Variants in CLNK observed in about 807,000 individuals in gnomAD.
CLNK encodes the protein cytokine-dependent hematopoietic cell linker.
CLNK carries 74 observed loss-of-function variants against 68.6 expected under a neutral mutation model. The ratio of observed to expected loss-of-function variants is 1.08; its 90% CI spans 0.89 to 1.31. The LOEUF (loss-of-function observed/expected upper bound fraction) is 1.31, where lower values mean the gene tolerates loss of function less well. CLNK is among the 50% of genes most tolerant of loss of function. CLNK has a pLI of 0.00. For synonymous variants in CLNK, 198 were observed against 172.2 expected (o/e 1.15, Z -1.17); for missense variants, 553 against 515.3 (o/e 1.07, Z -0.71).
chr4:10,698,649 A>G, the CLNK span, among the ~76,000 whole-genome samples: 1 of 152,130 alleles, frequency 6.6e-6, no homozygotes, highest in Non-Finnish European at 1.5e-5. Flanking sequence ...CAAAATCTTC[A>G]AGGAAAGGTC....
chr4:10,563,920 A>G (rs933974023), intron 7 of CLNK, among the ~76,000 whole-genome samples: 6 of 148,568 alleles, frequency 4.0e-5, no homozygotes, highest in Non-Finnish European at 7.4e-5. Context: ...AAAAGAAAAG[A>G]AAAGAAAAGA....
chr4:10,524,192 A>G (rs1298411381), intron 14 of CLNK, among the ~76,000 whole-genome samples: 3 of 152,186 alleles, frequency 2.0e-5, no homozygotes, highest in African/African-American at 7.2e-5. Context: ...TCCCCAAAGC[A>G]CAATGAAGCT....
chr4:10,548,937 G>T (rs925782118), intron 8 of CLNK, among the ~76,000 whole-genome samples: 1 of 152,226 alleles, frequency 6.6e-6, no homozygotes, highest in Non-Finnish European at 1.5e-5. Flanking sequence ...ATCAGGAAGT[G>T]TGATGGCTCC....
chr4:10,499,543 T>C (rs1716950422), intron 18 of CLNK, among the ~76,000 whole-genome samples: 1 of 152,220 alleles, frequency 6.6e-6, no homozygotes, highest in African/African-American at 2.4e-5. Context: ...ATTTCACACG[T>C]GTGCCTACCT....
chr4:10,610,638 G>A (rs1721978226), intron 2 of CLNK, among the ~76,000 whole-genome samples: 1 of 152,034 alleles, frequency 6.6e-6, no homozygotes, highest in Non-Finnish European at 1.5e-5. Context: ...ATCAATGTAT[G>A]TAATGAGCAA....
chr4:10,725,694 AAG>A, the CLNK span, among the ~76,000 whole-genome samples: 14 of 152,014 alleles, frequency 9.2e-5, no homozygotes, highest in East Asian at 7.7e-4. Flanking sequence ...TCTACTAAAA[AAG>A]TACAAAAAAT....
At chr4:10,608,918 T>A (rs1721895592) in intron 2 of CLNK, among the ~76,000 whole-genome samples, 1 of 152,216 alleles carries the variant, frequency 6.6e-6, no homozygotes, top group South Asian at 2.1e-4. Context: ...CCCTGTGGTA[T>A]CCTCACGTGG....
At chr4:10,695,749 C>T in the CLNK span, among the ~76,000 whole-genome samples, 31 of 152,252 alleles carry the variant, frequency 2.0e-4, no homozygotes, top group East Asian at 3.1e-3. Context: ...ATAATGAAGA[C>T]GGAAGAGGAG....
chr4:10,603,305 T>C (rs1721660200), intron 2 of CLNK, among the ~76,000 whole-genome samples: 1 of 152,212 alleles, frequency 6.6e-6, no homozygotes, highest in Admixed American at 6.5e-5. Context: ...TAATAAGGTA[T>C]AGCACCATCA....
intron 2 of CLNK, among the ~76,000 whole-genome samples, chr4:10,621,534 T>A (rs1722459004): frequency 6.6e-6 from 1 of 152,170 alleles, no homozygotes; most frequent in South Asian, 2.1e-4. Context: ...TGTGTCTGAA[T>A]CCAATCAGAT....
At chr4:10,641,686 C>A (rs1395392849) in intron 2 of CLNK, among the ~76,000 whole-genome samples, 1 of 152,146 alleles carries the variant, frequency 6.6e-6, no homozygotes, top group Non-Finnish European at 1.5e-5. Flanking sequence ...GTACATCATC[C>A]ATTAACTTGG....
chr4:10,606,142 C>T (rs142105601), intron 2 of CLNK, among the ~76,000 whole-genome samples: 121 of 152,196 alleles, frequency 8.0e-4, no homozygotes, highest in Middle Eastern at 3.4e-3. Context: ...TATAGCTGTA[C>T]GAAGATACTT....
intron 11 of CLNK, among the ~76,000 whole-genome samples, chr4:10,536,774 A>C: frequency 6.6e-6 from 1 of 152,184 alleles, no homozygotes; most frequent in Non-Finnish European, 1.5e-5. Flanking sequence ...ATCACATCTA[A>C]AAATGATTAA....
intron 2 of CLNK, among the ~76,000 whole-genome samples, chr4:10,667,030 C>T (rs1724427175): frequency 6.6e-6 from 1 of 152,156 alleles, no homozygotes; most frequent in South Asian, 2.1e-4. Context: ...ACCAGGCAGT[C>T]CTCCTCCCTG....
At chr4:10,535,213 G>GAGAAAGAAAGAAAGAAAGAA (rs57053319) in intron 11 of CLNK, among the ~76,000 whole-genome samples, 7,882 of 131,186 alleles carry the variant, frequency 0.06, 373 homozygotes, top group East Asian at 0.1. Flanking sequence ...AAGAAAGAAA[G>GAGAAAGAAAGAAAGAAAGAA]AGAAAGAAAG....
intron 8 of CLNK, among the ~76,000 whole-genome samples, chr4:10,545,045 G>T (rs147671613): frequency 1.6e-4 from 24 of 152,236 alleles, no homozygotes; most frequent in African/African-American, 4.8e-4. Context: ...TCTCAATACT[G>T]CCACACTGGG....
intron 10 of CLNK, 77 bp downstream of exon 10, chr4:10,541,945 G>T: frequency 2.9e-6 from 3 of 1,052,182 alleles, no homozygotes; most frequent in Non-Finnish European, 4.2e-6. Context: ...TCAAATGTTT[G>T]TGTTTCTCTT....
intron 7 of CLNK, among the ~76,000 whole-genome samples, chr4:10,563,808 G>A (rs1164930302): frequency 6.6e-6 from 1 of 152,146 alleles, no homozygotes. Flanking sequence ...TCAGAAGGCC[G>A]AAGCAGGAGA....
intron 1 of CLNK, among the ~76,000 whole-genome samples, chr4:10,681,951 C>G (rs1026794126): frequency 2.0e-5 from 3 of 152,194 alleles, no homozygotes; most frequent in African/African-American, 7.2e-5. Context: ...TCTTGTCTAT[C>G]AGCAACACTT....
Sources: gnomAD v4.1 joint callset for allele counts (sites outside exome capture counted in the v4.1 genomes callset) on GRCh38, gnomAD v4.1.1 for gene constraint, MANE v1.5 for transcripts, NCBI Gene and HGNC (gene_info 2026-07-23, HGNC 2026-07-21) for gene names.